Variants in TUSC3 observed in about 807,000 individuals in gnomAD.
TUSC3 encodes the protein tumor suppressor candidate 3.
Under a neutral mutation model 44.8 loss-of-function variants are expected in TUSC3, and 45 were observed. The ratio of observed to expected loss-of-function variants is 1.00; its 90% CI spans 0.79 to 1.29. TUSC3 has a LOEUF of 1.29. Ranked by LOEUF, TUSC3 falls within the 50% of genes most tolerant of loss-of-function variation. The pLI is 0.00. For missense variants in TUSC3, 519 were observed against 437.9 expected (o/e 1.19, Z -1.65); for synonymous variants, 212 against 152.9 (o/e 1.39, Z -2.85).
the TUSC3 span, among the ~76,000 whole-genome samples, chr8:15,822,885 G>T: frequency 1.3e-5 from 2 of 151,944 alleles, no homozygotes; most frequent in African/African-American, 2.4e-5. Context: ...GAGATTTGGG[G>T]GCAAAAGCTT....
intron 1 of TUSC3, among the ~76,000 whole-genome samples, chr8:15,474,701 T>G (rs1800551108): frequency 6.6e-6 from 1 of 152,136 alleles, no homozygotes; most frequent in South Asian, 2.1e-4. Context: ...TGTTTTCTCT[T>G]AAAAAAACTT....
chr8:15,581,110 C>T (rs1233125150), intron 1 of TUSC3, among the ~76,000 whole-genome samples: 6 of 131,296 alleles, frequency 4.6e-5, no homozygotes, highest in African/African-American at 1.2e-4. Flanking sequence ...TTGATCGCAT[C>T]GGCTCCTGAG....
At chr8:15,650,984 T>C in intron 3 of TUSC3, 170 bp downstream of exon 3, 1 of 500,926 alleles carries the variant, frequency 2.0e-6, no homozygotes, top group Non-Finnish European at 3.7e-6. Flanking sequence ...GCAAGACTTT[T>C]ACACACACAC....
At position 15,467,894 on chromosome 8, in the gene TUSC3, A is replaced by G. The variant is rs535139877; in HGVS notation, n.92-15492A>G. Among the ~76,000 whole-genome samples the G allele has an allele frequency of 1.4e-4, 22 of 152,296 alleles. 1 individual carries two copies. The highest frequency in any genetic ancestry group is 5.1e-4 in the African/African-American group (21 of 41,570). On this transcript the variant is annotated intron_variant and non_coding_transcript_variant, in intron 1 of 5. Transcript: ENST00000503191. The stretch of plus-strand genomic sequence containing the variant: ...AATATTCTACTTAGAATTCAACAAT[A>G]TAACTCTCCCATAAAATAAGCATTT...
At chr8:15,621,655 ATAGC>A (rs1366794125) in intron 1 of TUSC3, among the ~76,000 whole-genome samples, 2 of 148,394 alleles carry the variant, frequency 1.3e-5, no homozygotes, top group Non-Finnish European at 3.0e-5. Flanking sequence ...AGATAAATCT[ATAGC>A]TATATATTTT....
At chr8:15,658,113 CG>C (rs1360330858) in intron 3 of TUSC3, among the ~76,000 whole-genome samples, 27 of 152,180 alleles carry the variant, frequency 1.8e-4, no homozygotes, top group African/African-American at 6.5e-4. Flanking sequence ...TGAGTTTTGG[CG>C]GGGACAAACA....
intron 1 of TUSC3, among the ~76,000 whole-genome samples, chr8:15,589,610 A>G (rs1309750501): frequency 3.3e-5 from 5 of 152,204 alleles, no homozygotes; most frequent in African/African-American, 4.8e-5. Flanking sequence ...GTAATGTACT[A>G]GATCTTTAAG....
the TUSC3 span, among the ~76,000 whole-genome samples, chr8:15,826,457 C>A: frequency 2.0e-5 from 3 of 152,080 alleles, no homozygotes; most frequent in African/African-American, 4.8e-5. Flanking sequence ...TTAGTGATAT[C>A]GCACATTATA....
chr8:15,715,677 A>G (rs1036153531), intron 6 of TUSC3, among the ~76,000 whole-genome samples: 27 of 151,798 alleles, frequency 1.8e-4, no homozygotes, highest in African/African-American at 6.5e-4. Flanking sequence ...GGGGACTACT[A>G]TGCATTTCCT....
chr8:15,653,830 T>G (rs1024706798), intron 3 of TUSC3, among the ~76,000 whole-genome samples: 34 of 152,214 alleles, frequency 2.2e-4, no homozygotes, highest in African/African-American at 7.2e-4. Context: ...TCTGAATTGA[T>G]GTTTTAAAGC....
At chr8:15,741,653 C>A (rs1425275124) in intron 7 of TUSC3, among the ~76,000 whole-genome samples, 1 of 151,496 alleles carries the variant, frequency 6.6e-6, no homozygotes, top group Non-Finnish European at 1.5e-5. Flanking sequence ...TGCCACTGCA[C>A]TGCAGCCTGG....
In TUSC3 at chr8:15,723,780, T is replaced by C. The variant is rs535573018; in HGVS notation, c.799-6886T>C. Among the ~76,000 whole-genome samples, 41 of 152,246 alleles carry C rather than the reference T, an allele frequency of 2.7e-4. No individual in the cohort carries two copies. In the South Asian group the frequency reaches 7.7e-3, roughly 28 times the overall value. On this transcript the variant is annotated intron_variant, in intron 6 of 10. Transcript: ENST00000503731. ...TTCCTATCTTAAGAGTTCAAAAGTA[T>C]CCTTTCCTGGACATTAGTATCCTAA... is the stretch of plus-strand genomic sequence containing the variant.
intron 3 of TUSC3, among the ~76,000 whole-genome samples, chr8:15,658,633 T>TAC (rs551780920): frequency 1.2e-4 from 13 of 108,952 alleles, no homozygotes; most frequent in African/African-American, 5.3e-4. Flanking sequence ...TATATACACA[T>TAC]ATATATACAC....
chr8:15,695,407 G>C (rs1031573336), intron 6 of TUSC3, among the ~76,000 whole-genome samples: 2 of 152,144 alleles, frequency 1.3e-5, no homozygotes, highest in African/African-American at 4.8e-5. Flanking sequence ...CTTGTCTTCT[G>C]CCATGATTGT....
the TUSC3 span, among the ~76,000 whole-genome samples, chr8:15,795,899 G>C: frequency 1.3e-5 from 2 of 152,176 alleles, no homozygotes; most frequent in Non-Finnish European, 2.9e-5. Context: ...CTACCCCCCA[G>C]AATGCCACAG....
rs147629534 is a variant in TUSC3, at chr8:15,752,815, G to T, written c.1028+4350G>T. Among the ~76,000 whole-genome samples, 4 of 152,080 alleles carry T rather than the reference G, an allele frequency of 2.6e-5. No individual in the cohort carries two copies. In the East Asian group the frequency reaches 7.7e-4, roughly 29 times the overall value. ...TGACCTCAATAATCTGATAGCCAAAGCCTCTAAGAAAAATGTTGACAATTA... is the reference window on the plus strand; with the variant it reads ...TGACCTCAATAATCTGATAGCCAAATCCTCTAAGAAAAATGTTGACAATTA... On this transcript the variant is annotated intron_variant, in intron 9 of 10. Coordinates refer to ENST00000503731, the MANE Select transcript of TUSC3 (RefSeq NM_006765.4).
chr8:15,454,020 T>C (rs1800225368), intron 1 of TUSC3, among the ~76,000 whole-genome samples: 1 of 152,056 alleles, frequency 6.6e-6, no homozygotes, highest in Non-Finnish European at 1.5e-5. Flanking sequence ...ATTTGATTGG[T>C]AAGGGAGGAA....
rs749216834 is a variant in TUSC3, at chr8:15,489,246, T to C, written n.189+5763T>C. On this transcript the variant is annotated intron_variant and non_coding_transcript_variant, in intron 2 of 5. Coordinates refer to the TUSC3 transcript ENST00000503191. ...TTGAAGTAGGGGTTTCTGGGTCATA[T>C]GCAAATTCAAAGATTTTCTAATTGG... Among the ~76,000 whole-genome samples, 91 of 152,208 alleles carry C rather than the reference T, an allele frequency of 6.0e-4. 1 individual carries two copies. Among genetic ancestry groups the C allele is most frequent in the Non-Finnish European group, 2.4e-4 (16 of 68,032 alleles).
At chr8:15,540,677 C>CGATGCCGGCGCTGGG in intron 1 of TUSC3, 109 bp downstream of exon 1, 2 of 1,380,202 alleles carry the variant, frequency 1.4e-6, no homozygotes, top group East Asian at 5.5e-5. Context: ...CCGGCGTGGG[C>CGATGCCGGCGCTGGG]GATGCCGGCG....
Sources: allele counts gnomAD v4.1 joint callset (sites outside exome capture counted in the v4.1 genomes callset), GRCh38; gene constraint gnomAD v4.1.1; transcripts MANE v1.5; gene names NCBI Gene and HGNC (gene_info 2026-07-23, HGNC 2026-07-21).